Variants in PLXDC1 observed in about 807,000 individuals in gnomAD.
PLXDC1 encodes plexin domain containing 1.
Under a neutral mutation model 61.3 loss-of-function variants are expected in PLXDC1, and 39 were observed. The observed-to-expected ratio is 0.64, with a 90% CI of 0.49 to 0.83. The LOEUF is 0.83. PLXDC1 is among the 40% of genes least tolerant of loss of function. The pLI is 0.00. For missense variants in PLXDC1, 596 were observed against 666.5 expected (o/e 0.89, Z 1.17); for synonymous variants, 212 against 254.5 (o/e 0.83, Z 1.59).
At chr17:39,109,041 C>T (rs542393383) in intron 3 of PLXDC1, 68 bp from the exon 4 acceptor site, 3 of 1,362,882 alleles carry the variant, frequency 2.2e-6, no homozygotes, top group South Asian at 2.4e-5. Flanking sequence ...CCCACACTGC[C>T]TCATGCTTGT....
Position 39,139,763 on chromosome 17 carries a change from C to G in PLXDC1, c.146G>C (p.Arg49Pro). 4 of 1,613,998 alleles carry G rather than the reference C, an allele frequency of 2.5e-6. No individual in the cohort carries two copies. Among genetic ancestry groups the G allele is most frequent in the Non-Finnish European group, 3.4e-6 (4 of 1,180,018 alleles). ...GTVRGWNRRA[R>P]ESPGHVSEPD... ...CTCTGACACATGCCCAGGGCTCTCT[C>G]GGGCTCTCCGGTTCCAGCCCCGCAC... The change falls in exon 2 of 14, where the codon CGA (arginine) becomes CCA (proline). Residue 49 changes from arginine to proline, a missense_variant. By Grantham distance (103) the Arg-to-Pro change is moderately radical. Transcript: ENST00000315392.
At chr17:39,072,664 T>G (rs546502708) in intron 11 of PLXDC1, 179 bp from the exon 12 acceptor site, 3 of 633,158 alleles carry the variant, frequency 4.7e-6, no homozygotes, top group East Asian at 5.6e-5. Context: ...AGCTGGAGGC[T>G]GGGGAGTAAA....
At chr17:39,147,296 T>G (rs977167285) in intron 1 of PLXDC1, among the ~76,000 whole-genome samples, 5 of 152,184 alleles carry the variant, frequency 3.3e-5, no homozygotes, top group African/African-American at 1.2e-4. Flanking sequence ...TCTTTATTTC[T>G]TCATGCACTC....
chr17:39,136,191 G>C (rs1911747623), intron 2 of PLXDC1, among the ~76,000 whole-genome samples: 1 of 152,146 alleles, frequency 6.6e-6, no homozygotes, highest in Admixed American at 6.5e-5. Flanking sequence ...GCAGGATCAA[G>C]AAGACAGGGC....
chr17:39,115,992 G>A (rs1388860848), intron 2 of PLXDC1, among the ~76,000 whole-genome samples: 4 of 152,140 alleles, frequency 2.6e-5, no homozygotes, highest in Non-Finnish European at 5.9e-5. Flanking sequence ...GCGCATGCCT[G>A]TAATCCCAGC....
chr17:39,066,119 C>G lies in PLXDC1; in HGVS notation c.*1721G>C, dbSNP rs1373935242. 1 of 152,276 alleles carries G rather than the reference C, an allele frequency of 6.6e-6. No individual in the cohort carries two copies. Among genetic ancestry groups the G allele is most frequent in the East Asian group, 1.9e-4 (1 of 5,204 alleles). 9.4% of individuals were successfully genotyped at this position (152,276 alleles called of 1,614,324 possible). ...TAGCCACCCGACTTGTCTTTAATGC[C>G]TATAAAATCCAGTTCAGAGGAGGAA... is the stretch of plus-strand genomic sequence containing the variant. On this transcript the variant is annotated 3_prime_UTR_variant, in exon 14 of 14. Transcript: ENST00000315392.
chr17:39,135,960 G>A (rs1461058524), intron 2 of PLXDC1, among the ~76,000 whole-genome samples: 1 of 152,136 alleles, frequency 6.6e-6, no homozygotes, highest in Admixed American at 6.6e-5. Flanking sequence ...AGAAATCTAA[G>A]TCTCCATGGC....
chr17:39,103,718 C>T (rs1317627813), intron 7 of PLXDC1, among the ~76,000 whole-genome samples: 4 of 151,294 alleles, frequency 2.6e-5, no homozygotes, highest in African/African-American at 9.7e-5. Flanking sequence ...TGGTGGCCGG[C>T]GCCTGTAATC....
intron 2 of PLXDC1, among the ~76,000 whole-genome samples, chr17:39,122,111 AG>A (rs1167718193): frequency 0.016 from 640 of 40,348 alleles, 6 homozygotes; most frequent in Non-Finnish European, 0.019. Flanking sequence ...AAAAAAAAAA[AG>A]GGGGGGGGGA....
intron 1 of PLXDC1, among the ~76,000 whole-genome samples, chr17:39,146,001 T>C (rs75359702): frequency 0.024 from 3,672 of 151,842 alleles, 161 homozygotes; most frequent in African/African-American, 0.085. Flanking sequence ...TAACAAGAAT[T>C]ACATGCCGGG....
chr17:39,106,061 A>C, intron 6 of PLXDC1, 108 bp from the exon 7 acceptor site: 1 of 696,586 alleles, frequency 1.4e-6, no homozygotes, highest in Non-Finnish European at 2.4e-6. Flanking sequence ...CACCTCCTGG[A>C]GGACTCCAAG....
intron 2 of PLXDC1, among the ~76,000 whole-genome samples, chr17:39,125,031 G>A (rs1364395516): frequency 6.6e-6 from 1 of 152,158 alleles, no homozygotes. Context: ...CAGCCAGGCT[G>A]GTCTCAAACT....
chr17:39,103,716 G>A (rs985888932), intron 7 of PLXDC1, among the ~76,000 whole-genome samples: 4 of 151,600 alleles, frequency 2.6e-5, no homozygotes, highest in South Asian at 2.1e-4. Flanking sequence ...CGTGGTGGCC[G>A]GCGCCTGTAA....
intron 7 of PLXDC1, among the ~76,000 whole-genome samples, chr17:39,089,421 G>A (rs531574725): frequency 6.6e-6 from 1 of 152,308 alleles, no homozygotes; most frequent in East Asian, 1.9e-4. Flanking sequence ...GGCTCATGGG[G>A]AAAGGCAGAG....
chr17:39,135,750 G>A (rs148997885), intron 2 of PLXDC1, among the ~76,000 whole-genome samples: 201 of 149,618 alleles, frequency 1.3e-3, no homozygotes, highest in African/African-American at 4.0e-3. Context: ...CTGCAACTTC[G>A]CCAGGAACAC....
intron 8 of PLXDC1, among the ~76,000 whole-genome samples, chr17:39,085,292 T>C (rs1411453625): frequency 6.6e-6 from 1 of 152,042 alleles, no homozygotes; most frequent in East Asian, 1.9e-4. Flanking sequence ...TGCCGTGGTG[T>C]TGAAGGCCCT....
At chr17:39,088,872 C>A (rs1319603007) in intron 7 of PLXDC1, among the ~76,000 whole-genome samples, 1 of 142,316 alleles carries the variant, frequency 7.0e-6, no homozygotes, top group Non-Finnish European at 1.5e-5. Context: ...TCGCTTGAAC[C>A]TGGGAGGCAG....
At chr17:39,137,371 A>C (rs1174756692) in intron 2 of PLXDC1, 1 of 152,240 alleles carries the variant, frequency 6.6e-6, no homozygotes, top group Non-Finnish European at 1.5e-5. Context: ...CCTGGCCAAC[A>C]TGGTGAAACC....
At chr17:39,128,792 C>T (rs1051874945) in intron 2 of PLXDC1, among the ~76,000 whole-genome samples, 4 of 151,552 alleles carry the variant, frequency 2.6e-5, no homozygotes, top group Non-Finnish European at 4.4e-5. Context: ...GGGCAGATCA[C>T]GAGGTCAGGA....
Sources: allele counts gnomAD v4.1 joint callset (sites outside exome capture counted in the v4.1 genomes callset), GRCh38; gene constraint gnomAD v4.1.1; transcripts MANE v1.5; gene names NCBI Gene and HGNC (gene_info 2026-07-23, HGNC 2026-07-21).